The following TANGO6 variants were observed in gnomAD, a reference collection of about 807,000 sequenced individuals.
TANGO6 encodes the protein transport and Golgi organization protein 6 homolog.
TANGO6 carries 90 observed loss-of-function variants against 114.2 expected under a neutral mutation model. The observed-to-expected ratio is 0.79, with a 90% CI of 0.66 to 0.94. TANGO6 has a LOEUF of 0.94. TANGO6 is among the 40% of genes least tolerant of loss of function. TANGO6 has a pLI of 0.00. For synonymous variants in TANGO6, 477 were observed against 509.8 expected (o/e 0.94, Z 0.87); for missense variants, 1,274 against 1,315.3 (o/e 0.97, Z 0.49).
intron 17 of TANGO6, among the ~76,000 whole-genome samples, chr16:69,064,962 C>G (rs1960191132): frequency 6.6e-6 from 1 of 152,124 alleles, no homozygotes; most frequent in Non-Finnish European, 1.5e-5. Context: ...AGCCTGTTCC[C>G]CCATATGTGA....
chr16:69,008,476 G>T (rs755364390), intron 15 of TANGO6, among the ~76,000 whole-genome samples: 2 of 152,116 alleles, frequency 1.3e-5, no homozygotes, highest in Middle Eastern at 3.2e-3. Flanking sequence ...TGAACTCTGG[G>T]CCTCAAGCAA....
chr16:68,933,286 G>A (rs1262370648), intron 14 of TANGO6, among the ~76,000 whole-genome samples: 1 of 152,156 alleles, frequency 6.6e-6, no homozygotes, highest in Non-Finnish European at 1.5e-5. Flanking sequence ...ATGGTGGTGT[G>A]TGCCTGTAGT....
chr16:68,991,892 C>T (rs557911677), intron 15 of TANGO6, among the ~76,000 whole-genome samples: 1 of 152,112 alleles, frequency 6.6e-6, no homozygotes, highest in East Asian at 1.9e-4. Context: ...TTGTGGTATT[C>T]CTTGACACAA....
At chr16:69,019,769 C>T (rs906424482) in intron 15 of TANGO6, among the ~76,000 whole-genome samples, 4 of 152,168 alleles carry the variant, frequency 2.6e-5, no homozygotes, top group Non-Finnish European at 5.9e-5. Flanking sequence ...AACTCCTGGG[C>T]TCAAGCAATC....
intron 15 of TANGO6, among the ~76,000 whole-genome samples, chr16:68,979,449 C>T (rs957156239): frequency 6.6e-6 from 1 of 152,052 alleles, no homozygotes; most frequent in Non-Finnish European, 1.5e-5. Flanking sequence ...AGGCTGGTCG[C>T]AAGCTCCTGA....
intron 7 of TANGO6, among the ~76,000 whole-genome samples, chr16:68,895,427 G>A (rs919210443): frequency 6.6e-6 from 1 of 152,198 alleles, no homozygotes; most frequent in Non-Finnish European, 1.5e-5. Flanking sequence ...TGTATTCACT[G>A]CCTATTCACC....
chr16:68,875,169 G>A lies in TANGO6; in HGVS notation c.1010G>A (p.Gly337Glu). The change falls in exon 5 of 18, where the codon GGA (glycine) becomes GAA (glutamate). Residue 337 changes from glycine (G) to glutamate (E), a missense_variant. Gly to Glu is a moderately conservative substitution (Grantham distance 98, BLOSUM62 -2). Transcript: ENST00000261778. ...ATTGTGCCAGCGGGAGCAGCTGGTG[G>A]AAGTGATGCTGAGGTGACGGCTGCT... ...LEGAGAGAAG[G>E]SDAEVTAADW... The A allele has an allele frequency of 6.2e-7, 1 of 1,611,344 alleles. No homozygotes were observed. Among genetic ancestry groups the A allele is most frequent in the Non-Finnish European group, 8.5e-7 (1 of 1,178,062 alleles).
At chr16:68,852,880 AC>A (rs1961928393) in intron 1 of TANGO6, among the ~76,000 whole-genome samples, 1 of 151,858 alleles carries the variant, frequency 6.6e-6, no homozygotes, top group Non-Finnish European at 1.5e-5. Context: ...TATGGCGAAC[AC>A]CCTTATACAC....
At chr16:68,887,304 G>A (rs1962552543) in intron 7 of TANGO6, among the ~76,000 whole-genome samples, 1 of 152,178 alleles carries the variant, frequency 6.6e-6, no homozygotes. Flanking sequence ...CCACCCCAGA[G>A]GCTGTGCACT....
chr16:69,039,868 G>C (rs527469634), intron 16 of TANGO6, among the ~76,000 whole-genome samples: 17 of 152,226 alleles, frequency 1.1e-4, no homozygotes, highest in Admixed American at 5.9e-4. Flanking sequence ...TTCATGCCAG[G>C]CTGTGAACTC....
chr16:68,914,880 T>TG (rs1182591309), intron 11 of TANGO6, among the ~76,000 whole-genome samples: 1 of 146,486 alleles, frequency 6.8e-6, no homozygotes, highest in Admixed American at 6.8e-5. Flanking sequence ...TTCCCTGGGT[T>TG]TTTTTTTTTT....
chr16:69,061,533 A>G (rs1960115493), intron 17 of TANGO6, among the ~76,000 whole-genome samples: 1 of 152,098 alleles, frequency 6.6e-6, no homozygotes, highest in African/African-American at 2.4e-5. Context: ...AGCCTAGGCG[A>G]CAGAGTGAGA....
At chr16:69,004,268 T>C (rs575979282) in intron 15 of TANGO6, among the ~76,000 whole-genome samples, 1 of 152,272 alleles carries the variant, frequency 6.6e-6, no homozygotes, top group South Asian at 2.1e-4. Flanking sequence ...AAAGATCCAA[T>C]AGCTTTTATC....
chr16:69,008,768 A>G (rs146911598), intron 15 of TANGO6, among the ~76,000 whole-genome samples: 10 of 151,952 alleles, frequency 6.6e-5, no homozygotes, highest in East Asian at 1.9e-4. Flanking sequence ...TCAGCCTCCA[A>G]TGTAGCTGGG....
At chr16:68,909,447 A>T (rs755989851) in intron 11 of TANGO6, 45 bp downstream of exon 11, 1 of 1,429,708 alleles carries the variant, frequency 7.0e-7, no homozygotes, top group Non-Finnish European at 9.2e-7. Context: ...TTTTCTTTCC[A>T]AAAAATAAAG....
intron 7 of TANGO6, among the ~76,000 whole-genome samples, chr16:68,887,008 A>G (rs1367206103): frequency 1.3e-5 from 2 of 150,802 alleles, no homozygotes; most frequent in African/African-American, 4.9e-5. Flanking sequence ...GGGTTTTACT[A>G]TGTTGTCTAG....
chr16:68,978,891 A>T (rs1963790795), intron 15 of TANGO6, among the ~76,000 whole-genome samples: 1 of 151,082 alleles, frequency 6.6e-6, no homozygotes, highest in Non-Finnish European at 1.5e-5. Context: ...AATTGAGGTA[A>T]TACATATATA....
At chr16:68,939,899 C>T (rs1194239352) in intron 14 of TANGO6, among the ~76,000 whole-genome samples, 1 of 152,116 alleles carries the variant, frequency 6.6e-6, no homozygotes, top group Non-Finnish European at 1.5e-5. Flanking sequence ...GTGTGCTGTA[C>T]ATATCTACAT....
chr16:68,904,694 A>G (rs1359209122), intron 9 of TANGO6, among the ~76,000 whole-genome samples: 1 of 152,240 alleles, frequency 6.6e-6, no homozygotes, highest in African/African-American at 2.4e-5. Flanking sequence ...ATAAAGAGGA[A>G]AACAAAAGTC....
Sources: allele counts gnomAD v4.1 joint callset (sites outside exome capture counted in the v4.1 genomes callset), GRCh38; gene constraint gnomAD v4.1.1; transcripts MANE v1.5; gene names NCBI Gene and HGNC (gene_info 2026-07-23, HGNC 2026-07-21).